Variants in DPP10 observed in about 807,000 individuals in gnomAD.
DPP10 encodes the protein dipeptidyl peptidase like 10.
DPP10 carries 33 observed loss-of-function variants against 120.9 expected under a neutral mutation model. The ratio of observed to expected loss-of-function variants is 0.27; its 90% CI spans 0.21 to 0.37. DPP10 has a LOEUF of 0.37. DPP10 is among the 10% of genes least tolerant of loss of function. The probability of loss-of-function intolerance (pLI) is 1.00; values close to 1 mark genes in which losing one functional copy is unlikely to be tolerated. For synonymous variants in DPP10, 337 were observed against 326.1 expected (o/e 1.03, Z -0.36); for missense variants, 816 against 942.8 (o/e 0.87, Z 1.76).
intron 1 of DPP10, among the ~76,000 whole-genome samples, chr2:115,138,994 A>T (rs1219266700): frequency 6.6e-6 from 1 of 152,220 alleles, no homozygotes; most frequent in African/African-American, 2.4e-5. Flanking sequence ...ATGGTAAAAG[A>T]AAACAAACTG....
intron 3 of DPP10, among the ~76,000 whole-genome samples, chr2:115,443,000 C>T (rs2072220846): frequency 6.6e-6 from 1 of 152,116 alleles, no homozygotes; most frequent in South Asian, 2.1e-4. Flanking sequence ...GTCTATATTG[C>T]AAAACATTTT....
intron 8 of DPP10, among the ~76,000 whole-genome samples, chr2:115,738,873 T>C (rs964918742): frequency 1.3e-5 from 2 of 152,208 alleles, no homozygotes; most frequent in East Asian, 3.8e-4. Flanking sequence ...ATTTACAAAG[T>C]GAACATTTTA....
chr2:115,244,283 C>CAT lies in DPP10; in HGVS notation c.61-64949_61-64948dup, dbSNP rs2058432931. On this transcript the variant is annotated intron_variant, in intron 1 of 25. Transcript: ENST00000410059. ...AGAGAGAGAGAGAGAGAGAGAGAGA[C>CAT]ATATATATGAATGATATGAATGTGT... Among the ~76,000 whole-genome samples, 27 of 117,814 alleles carry CAT rather than the reference C, an allele frequency of 2.3e-4. No homozygotes were observed. The Admixed American group carries it at 2.3e-3, about 10-fold the overall frequency. 77.3% of individuals were successfully genotyped at this position (117,814 alleles called of 152,430 possible).
intron 1 of DPP10, among the ~76,000 whole-genome samples, chr2:114,549,857 C>T (rs1483181347): frequency 1.3e-5 from 2 of 151,934 alleles, no homozygotes; most frequent in Non-Finnish European, 2.9e-5. Context: ...GAGATCCTAT[C>T]CTGGAAAGCT....
At chr2:114,721,210 C>G (rs770315673) in intron 1 of DPP10, among the ~76,000 whole-genome samples, 1 of 152,172 alleles carries the variant, frequency 6.6e-6, no homozygotes, top group Non-Finnish European at 1.5e-5. Flanking sequence ...TGCATTCATT[C>G]TATCATTCTT....
chr2:114,535,506 C>T (rs1686410374), intron 1 of DPP10, among the ~76,000 whole-genome samples: 2 of 152,084 alleles, frequency 1.3e-5, no homozygotes, highest in Admixed American at 6.5e-5. Flanking sequence ...TCCCATTGCA[C>T]CCCCAAATTA....
At chr2:115,491,035 T>C (rs2076087649) in intron 3 of DPP10, among the ~76,000 whole-genome samples, 1 of 152,094 alleles carries the variant, frequency 6.6e-6, no homozygotes. Context: ...GCAGGATCAC[T>C]TGAACCTGGG....
chr2:114,445,273 C>T (rs1239481628), intron 1 of DPP10, among the ~76,000 whole-genome samples: 4 of 152,090 alleles, frequency 2.6e-5, no homozygotes, highest in Non-Finnish European at 5.9e-5. Flanking sequence ...GTAATGATAA[C>T]CCACTTTGAG....
intron 1 of DPP10, among the ~76,000 whole-genome samples, chr2:114,886,890 C>T (rs951863044): frequency 3.9e-5 from 6 of 152,248 alleles, no homozygotes; most frequent in Admixed American, 3.3e-4. Context: ...CAATAGCTTT[C>T]TTTTCTCCTC....
In DPP10 at chr2:114,525,609, C is replaced by T. The variant is rs188898161; in HGVS notation, c.60+82771C>T. Among the ~76,000 whole-genome samples, 982 of 152,206 alleles carry T rather than the reference C, an allele frequency of 6.5e-3. 1 individual carries two copies. Among genetic ancestry groups the T allele is most frequent in the Non-Finnish European group, 0.011 (750 of 68,010 alleles). ...TTGTTCGAGATCGAGTGAAAGAGGC[C>T]TAGTTTTCAGATCAAGAAATTTGAT... On this transcript the variant is annotated intron_variant, in intron 1 of 25. Coordinates refer to ENST00000410059, the MANE Select transcript of DPP10 (RefSeq NM_020868.6).
chr2:115,092,924 G>A (rs1021334362), intron 1 of DPP10, among the ~76,000 whole-genome samples: 2 of 152,120 alleles, frequency 1.3e-5, no homozygotes, highest in Non-Finnish European at 2.9e-5. Context: ...AGCAGTAAAA[G>A]AAATTAAAGC....
chr2:115,199,897 A>G (rs1268381427), intron 1 of DPP10, among the ~76,000 whole-genome samples: 3 of 152,246 alleles, frequency 2.0e-5, no homozygotes, highest in Non-Finnish European at 4.4e-5. Context: ...TTTGAGATCA[A>G]ACATTGTCAT....
chr2:114,861,984 C>G (rs1689842350), intron 1 of DPP10, among the ~76,000 whole-genome samples: 2 of 152,040 alleles, frequency 1.3e-5, no homozygotes. Context: ...TTAAATCAGT[C>G]AATTCAAGTG....
intron 1 of DPP10, chr2:115,130,935 C>T (rs926604549): frequency 2.0e-5 from 3 of 152,168 alleles, no homozygotes; most frequent in African/African-American, 4.8e-5. Flanking sequence ...TATTTCTTAC[C>T]TTCACTGCAA....
At chr2:114,481,408 A>G (rs962070844) in intron 1 of DPP10, among the ~76,000 whole-genome samples, 3 of 152,162 alleles carry the variant, frequency 2.0e-5, no homozygotes, top group Non-Finnish European at 4.4e-5. Flanking sequence ...ATAAAAATAG[A>G]GACAACACCA....
intron 1 of DPP10, among the ~76,000 whole-genome samples, chr2:114,790,522 A>G (rs1351108819): frequency 6.6e-6 from 1 of 152,148 alleles, no homozygotes; most frequent in Non-Finnish European, 1.5e-5. Flanking sequence ...TGTGAGCAAC[A>G]TGGCTGTGTA....
At chr2:115,251,202 C>T (rs188278698) in intron 1 of DPP10, among the ~76,000 whole-genome samples, 81 of 152,278 alleles carry the variant, frequency 5.3e-4, no homozygotes, top group Admixed American at 1.9e-3. Flanking sequence ...CAATTTACAA[C>T]GGCTTCTCTA....
chr2:115,210,668 C>T (rs1434660568), intron 1 of DPP10, among the ~76,000 whole-genome samples: 1 of 152,094 alleles, frequency 6.6e-6, no homozygotes, highest in Non-Finnish European at 1.5e-5. Context: ...CTCCATATCC[C>T]CTCCAGCACC....
intron 1 of DPP10, among the ~76,000 whole-genome samples, chr2:114,526,511 T>C (rs1488169432): frequency 6.6e-6 from 1 of 152,202 alleles, no homozygotes; most frequent in Non-Finnish European, 1.5e-5. Flanking sequence ...CACCTTTATG[T>C]GTTGCCCTAG....
Sources: allele counts gnomAD v4.1 joint callset (sites outside exome capture counted in the v4.1 genomes callset), GRCh38; gene constraint gnomAD v4.1.1; transcripts MANE v1.5; gene names NCBI Gene and HGNC (gene_info 2026-07-23, HGNC 2026-07-21).